DAP: variants seen among roughly 807,000 people sequenced by gnomAD.
The protein encoded by DAP is death-associated protein 1.
Under a neutral mutation model 13.8 loss-of-function variants are expected in DAP, and 8 were observed. The observed-to-expected ratio is 0.58, with a 90% CI of 0.34 to 1.05. The LOEUF (loss-of-function observed/expected upper bound fraction) is 1.05, where lower values mean the gene tolerates loss of function less well. Ranked by LOEUF, DAP falls within the 50% of genes least tolerant of loss-of-function variation. The pLI is 0.03. For synonymous variants in DAP, 47 were observed against 47.5 expected, an observed-to-expected ratio of 0.99 and a Z score of 0.04; for missense variants, 106 against 133.2, an observed-to-expected ratio of 0.80 and a Z score of 1.01.
At chr5:10,697,460 G>A (rs1738463493) in intron 2 of DAP, among the ~76,000 whole-genome samples, 1 of 152,150 alleles carries the variant, frequency 6.6e-6, no homozygotes, top group Admixed American at 6.5e-5. Flanking sequence ...GTCACTCTTT[G>A]GAATTTCAAT....
chr5:10,736,174 G>A (rs1739607021), intron 2 of DAP, among the ~76,000 whole-genome samples: 1 of 152,148 alleles, frequency 6.6e-6, no homozygotes, highest in Non-Finnish European at 1.5e-5. Flanking sequence ...GCCTGCAGAG[G>A]GAGTGTGGTC....
intron 2 of DAP, among the ~76,000 whole-genome samples, chr5:10,715,343 G>A (rs1406089259): frequency 6.6e-6 from 1 of 152,160 alleles, no homozygotes; most frequent in African/African-American, 2.4e-5. Flanking sequence ...AGCAACAGGA[G>A]CAACTTCCAA....
At chr5:10,733,416 A>T (rs908983218) in intron 2 of DAP, among the ~76,000 whole-genome samples, 2 of 152,172 alleles carry the variant, frequency 1.3e-5, no homozygotes, top group African/African-American at 4.8e-5. Context: ...TACCCAATAT[A>T]TGTTTCACTT....
At chr5:10,702,528 T>G (rs546367284) in intron 2 of DAP, among the ~76,000 whole-genome samples, 2 of 152,280 alleles carry the variant, frequency 1.3e-5, no homozygotes, top group Admixed American at 6.5e-5. Flanking sequence ...AAGATTGGCT[T>G]TTCTCCCTCT....
At chr5:10,708,500 G>A (rs1052803650) in intron 2 of DAP, among the ~76,000 whole-genome samples, 1 of 151,824 alleles carries the variant, frequency 6.6e-6, no homozygotes, top group Admixed American at 6.6e-5. Flanking sequence ...TCTGCCCCTT[G>A]TATCCTGGGA....
intron 2 of DAP, among the ~76,000 whole-genome samples, chr5:10,721,746 A>G (rs1412451133): frequency 6.6e-6 from 1 of 152,246 alleles, no homozygotes. Context: ...GAAGGTAGTC[A>G]TCAATACCAG....
intron 1 of DAP, among the ~76,000 whole-genome samples, chr5:10,759,393 C>T (rs528336883): frequency 3.3e-5 from 5 of 152,166 alleles, no homozygotes; most frequent in Admixed American, 2.6e-4. Context: ...GACAGGGACC[C>T]GCTGTGGTGG....
intron 2 of DAP, among the ~76,000 whole-genome samples, chr5:10,712,265 G>A (rs1224046657): frequency 6.6e-6 from 1 of 152,170 alleles, no homozygotes; most frequent in South Asian, 2.1e-4. Flanking sequence ...CCAGAACTGT[G>A]AGACAGCAAA....
intron 2 of DAP, among the ~76,000 whole-genome samples, chr5:10,701,503 A>G (rs3756408): frequency 0.067 from 10,011 of 150,206 alleles, 528 homozygotes; most frequent in East Asian, 0.22. Context: ...CATACTGTGC[A>G]TTGTAGTTTC....
rs539355217 is a variant in DAP at position 10,722,152 on chromosome 5, A to T, written c.152+26023T>A. Among the ~76,000 whole-genome samples, 6 of 152,304 alleles carry T rather than the reference A, an allele frequency of 3.9e-5. No individual in the cohort carries two copies. In the South Asian group the frequency reaches 1.2e-3, roughly 32 times the overall value. On this transcript the variant is annotated intron_variant, in intron 2 of 3. Transcript: ENST00000230895. ...TCGACTTGATTGGATTGAAGGATGC[A>T]ATATTGATCCTGGGTGCATCTGTGA... is the stretch of plus-strand genomic sequence containing the variant.
chr5:10,726,280 T>G (rs1375276799), intron 2 of DAP, among the ~76,000 whole-genome samples: 2 of 152,262 alleles, frequency 1.3e-5, no homozygotes, highest in African/African-American at 2.4e-5. Context: ...AACCATTTTC[T>G]CCCTTTAACA....
At chr5:10,706,672 C>T (rs929922552) in intron 2 of DAP, among the ~76,000 whole-genome samples, 6 of 152,186 alleles carry the variant, frequency 3.9e-5, no homozygotes, top group Non-Finnish European at 8.8e-5. Flanking sequence ...AATTTCTTGT[C>T]TCTTGTTTAT....
chr5:10,687,029 G>A (rs367723233), intron 2 of DAP, among the ~76,000 whole-genome samples: 6 of 152,086 alleles, frequency 3.9e-5, no homozygotes, highest in African/African-American at 9.7e-5. Context: ...GGGCCCTTAC[G>A]AATTACATAA....
chr5:10,709,943 A>G (rs1451543716), intron 2 of DAP, among the ~76,000 whole-genome samples: 1 of 152,130 alleles, frequency 6.6e-6, no homozygotes, highest in Non-Finnish European at 1.5e-5. Flanking sequence ...TCTATATACT[A>G]CATAAGCCTT....
intron 2 of DAP, among the ~76,000 whole-genome samples, chr5:10,687,956 C>T (rs188352813): frequency 2.8e-5 from 4 of 142,956 alleles, no homozygotes; most frequent in Non-Finnish European, 4.5e-5. Flanking sequence ...CACTCTGTTG[C>T]CCAGGCTGGA....
chr5:10,740,030 C>G (rs1256183089), intron 2 of DAP, among the ~76,000 whole-genome samples: 1 of 152,138 alleles, frequency 6.6e-6, no homozygotes, highest in Admixed American at 6.5e-5. Flanking sequence ...GGATGTTGGA[C>G]TCATCAGATG....
chr5:10,715,750 C>T (rs1738968636), intron 2 of DAP, among the ~76,000 whole-genome samples: 1 of 152,188 alleles, frequency 6.6e-6, no homozygotes, highest in Admixed American at 6.5e-5. Context: ...CTGCTGTAGG[C>T]AGGGAGGCTG....
At chr5:10,711,603 T>C (rs1378541394) in intron 2 of DAP, among the ~76,000 whole-genome samples, 1 of 152,222 alleles carries the variant, frequency 6.6e-6, no homozygotes, top group Admixed American at 6.5e-5. Context: ...CAGCGCTTCC[T>C]GTGTTTCCTG....
chr5:10,754,208 C>G (rs948478391), intron 1 of DAP, among the ~76,000 whole-genome samples: 1 of 152,154 alleles, frequency 6.6e-6, no homozygotes, highest in Non-Finnish European at 1.5e-5. Context: ...GCGGTAAGAA[C>G]GTATGCAGAG....
Sources: allele counts gnomAD v4.1 joint callset (sites outside exome capture counted in the v4.1 genomes callset), GRCh38; gene constraint gnomAD v4.1.1; transcripts MANE v1.5; gene names NCBI Gene and HGNC (gene_info 2026-07-23, HGNC 2026-07-21).